CNTNAP5: variants seen among roughly 807,000 people sequenced by gnomAD.
The protein encoded by CNTNAP5 is contactin associated protein family member 5.
In CNTNAP5, 72 loss-of-function variants were observed where a neutral mutation model predicts 150.2. The observed-to-expected ratio is 0.48, with a 90% CI of 0.40 to 0.58. The LOEUF (loss-of-function observed/expected upper bound fraction) is 0.58. Among genes scored for constraint, CNTNAP5 ranks in the 20% least tolerant of loss-of-function variants. CNTNAP5 has a pLI of 0.00. For missense variants in CNTNAP5, 1,636 were observed against 1,626.2 expected (o/e 1.01, Z -0.10); for synonymous variants, 672 against 619.8 (o/e 1.08, Z -1.25).
At chr2:124,391,548 G>A (rs1411540311) in intron 3 of CNTNAP5, among the ~76,000 whole-genome samples, 1 of 152,176 alleles carries the variant, frequency 6.6e-6, no homozygotes, top group Non-Finnish European at 1.5e-5. Flanking sequence ...CCACCTCATT[G>A]CTTTTCTTTG....
chr2:124,134,930 T>G (rs1215628943), intron 1 of CNTNAP5: 1 of 152,202 alleles, frequency 6.6e-6, no homozygotes, highest in Non-Finnish European at 1.5e-5. Flanking sequence ...GGATTTTGGT[T>G]TCTTTATTTG....
intron 13 of CNTNAP5, among the ~76,000 whole-genome samples, chr2:124,725,471 C>A (rs1371377784): frequency 1.3e-5 from 2 of 150,418 alleles, no homozygotes; most frequent in Non-Finnish European, 3.0e-5. Context: ...TTCCCCTTCC[C>A]CTTCCTCCTT....
intron 3 of CNTNAP5, among the ~76,000 whole-genome samples, chr2:124,390,931 A>G (rs771386571): frequency 6.6e-6 from 1 of 152,246 alleles, no homozygotes; most frequent in Non-Finnish European, 1.5e-5. Flanking sequence ...TATTTCTGTA[A>G]GGGAGATAAA....
At chr2:124,263,189 G>C (rs549402325) in intron 3 of CNTNAP5, among the ~76,000 whole-genome samples, 1 of 152,050 alleles carries the variant, frequency 6.6e-6, no homozygotes, top group Admixed American at 6.6e-5. Context: ...TGGGTCAAAC[G>C]GTATTTCTAG....
chr2:124,833,704 A>G (rs1375510093), intron 19 of CNTNAP5, among the ~76,000 whole-genome samples: 4 of 152,158 alleles, frequency 2.6e-5, no homozygotes, highest in Non-Finnish European at 5.9e-5. Context: ...CTCAGAAGTT[A>G]CATCAAAGCA....
intron 7 of CNTNAP5, among the ~76,000 whole-genome samples, chr2:124,482,766 C>G (rs1207512250): frequency 2.0e-5 from 3 of 152,182 alleles, no homozygotes; most frequent in Admixed American, 1.3e-4. Flanking sequence ...GTCTCTGCAT[C>G]TGGCTGGCAG....
intron 19 of CNTNAP5, among the ~76,000 whole-genome samples, chr2:124,864,153 G>A (rs767591181): frequency 2.0e-5 from 3 of 152,094 alleles, no homozygotes; most frequent in Non-Finnish European, 4.4e-5. Context: ...AGATAAAGTA[G>A]CATCTCAACA....
chr2:124,861,420 A>AAAAT (rs1281481032), intron 19 of CNTNAP5, among the ~76,000 whole-genome samples: 9 of 151,830 alleles, frequency 5.9e-5, no homozygotes, highest in South Asian at 2.1e-4. Context: ...TAAAAATACA[A>AAAAT]AAATAAATAA....
intron 4 of CNTNAP5, among the ~76,000 whole-genome samples, chr2:124,430,544 G>A (rs1465535934): frequency 1.3e-5 from 2 of 152,060 alleles, no homozygotes; most frequent in East Asian, 1.9e-4. Context: ...AGGTGGGAGA[G>A]GTGAACAGAG....
In CNTNAP5 at chr2:124,261,319, A is replaced by G. The variant is rs1042523024; in HGVS notation, c.381+18926A>G. 6.6e-5 allele frequency among the ~76,000 whole-genome samples: 10 copies of G among 152,210 alleles called. No homozygotes were observed. In the East Asian group the frequency reaches 1.2e-3, roughly 18 times the overall value. On this transcript the variant is annotated intron_variant, in intron 3 of 23. Transcript: ENST00000682447. ...AGCCTCGCTGCCCAAACTCCCAACAATCTTCCCTCTCAGCAGAATTCATTG... is the reference window on the plus strand; with the variant it reads ...AGCCTCGCTGCCCAAACTCCCAACAGTCTTCCCTCTCAGCAGAATTCATTG...
chr2:124,331,892 C>T (rs1689358817), intron 3 of CNTNAP5, among the ~76,000 whole-genome samples: 1 of 151,858 alleles, frequency 6.6e-6, no homozygotes, highest in Non-Finnish European at 1.5e-5. Context: ...ATCAATATTA[C>T]ATGAAAATCT....
intron 4 of CNTNAP5, 26 bp downstream of exon 4, chr2:124,417,616 C>T (rs1462625092): frequency 6.2e-7 from 1 of 1,600,232 alleles, no homozygotes; most frequent in South Asian, 1.1e-5. Context: ...TACCCTTTAC[C>T]ATTGCTGAGT....
chr2:124,161,565 A>G (rs967565946), intron 1 of CNTNAP5, among the ~76,000 whole-genome samples: 3 of 152,198 alleles, frequency 2.0e-5, no homozygotes, highest in African/African-American at 7.2e-5. Flanking sequence ...TTCAAAATGT[A>G]TTAAGTATGT....
intron 3 of CNTNAP5, among the ~76,000 whole-genome samples, chr2:124,259,014 C>T (rs541676317): frequency 7.5e-6 from 1 of 134,134 alleles, no homozygotes; most frequent in African/African-American, 2.9e-5. Context: ...CCCCTCCCCC[C>T]ACCCTACAAC....
intron 1 of CNTNAP5, among the ~76,000 whole-genome samples, chr2:124,065,547 G>C (rs1019953641): frequency 1.3e-5 from 2 of 152,160 alleles, no homozygotes; most frequent in Admixed American, 1.3e-4. Flanking sequence ...GCTCTACCAA[G>C]TTCAAGCATC....
intron 3 of CNTNAP5, among the ~76,000 whole-genome samples, chr2:124,329,194 T>C (rs1243452056): frequency 6.6e-6 from 1 of 152,198 alleles, no homozygotes; most frequent in East Asian, 1.9e-4. Flanking sequence ...TGAAACTTCA[T>C]TGTGAACAAA....
chr2:124,864,563 T>C lies in CNTNAP5; in HGVS notation c.3218-743T>C, dbSNP rs913454306. 2.1e-3 allele frequency among the ~76,000 whole-genome samples: 171 copies of C among 80,716 alleles called. 1 individual carries two copies. The highest frequency in any genetic ancestry group is 0.01 in the African/African-American group (160 of 15,794). The allele number at this position is 80,716 out of a possible 152,430, so 53.0% of individuals were successfully genotyped here. ...CTCTCTCTGTCTCTCTCTCTCTGTC[T>C]CTCTGTGTCTCACACACACACACAC... On this transcript the variant is annotated intron_variant, in intron 19 of 23. Coordinates refer to ENST00000682447, the MANE Select transcript of CNTNAP5 (RefSeq NM_001367498.1).
At chr2:124,563,394 T>G (rs1188247801) in intron 11 of CNTNAP5, 71 bp downstream of exon 11, 1 of 896,892 alleles carries the variant, frequency 1.1e-6, no homozygotes, top group African/African-American at 1.7e-5. Flanking sequence ...AACTTCAGGA[T>G]GTATTTAGCA....
intron 11 of CNTNAP5, among the ~76,000 whole-genome samples, chr2:124,574,169 C>T (rs1364152473): frequency 6.6e-6 from 1 of 152,068 alleles, no homozygotes; most frequent in Non-Finnish European, 1.5e-5. Context: ...AAAACGTCAC[C>T]AGTAGAACCC....
Sources: gnomAD v4.1 joint callset for allele counts (sites outside exome capture counted in the v4.1 genomes callset) on GRCh38, gnomAD v4.1.1 for gene constraint, MANE v1.5 for transcripts, NCBI Gene and HGNC (gene_info 2026-07-23, HGNC 2026-07-21) for gene names.